USP10: variants seen among roughly 807,000 people sequenced by gnomAD.
USP10 encodes ubiquitin specific peptidase 10.
In USP10, 22 loss-of-function variants were observed where a neutral mutation model predicts 84.5. That is an observed-to-expected ratio of 0.26 (90% CI 0.19 to 0.37). The LOEUF (loss-of-function observed/expected upper bound fraction) is 0.37. USP10 is among the 10% of genes least tolerant of loss of function. USP10 has a pLI of 1.00. For missense variants in USP10, 1,019 were observed against 998.9 expected (o/e 1.02, Z -0.27); for synonymous variants, 454 against 387.6 (o/e 1.17, Z -2.01).
chr16:84,763,520 G>A (rs940569269), intron 9 of USP10, among the ~76,000 whole-genome samples: 2 of 152,348 alleles, frequency 1.3e-5, no homozygotes, highest in African/African-American at 4.8e-5. Context: ...CATCTCAGGT[G>A]CTAAAGCATC....
At chr16:84,746,351 G>T (rs189188084) in intron 4 of USP10, among the ~76,000 whole-genome samples, 1 of 152,208 alleles carries the variant, frequency 6.6e-6, no homozygotes, top group Non-Finnish European at 1.5e-5. Flanking sequence ...ACATAGCCAC[G>T]TGTTGCTTAA....
intron 4 of USP10, among the ~76,000 whole-genome samples, chr16:84,751,219 G>T (rs1911893163): frequency 6.6e-6 from 1 of 152,212 alleles, no homozygotes; most frequent in Non-Finnish European, 1.5e-5. Context: ...TATGGCCCAG[G>T]TGTGTAGTTG....
intron 8 of USP10, 39 bp from the exon 9 acceptor site, chr16:84,762,950 A>T (rs751565854): frequency 3.7e-6 from 5 of 1,345,370 alleles, no homozygotes; most frequent in Non-Finnish European, 5.2e-6. Context: ...TTTGACAGTG[A>T]TCAGTTCACA....
intron 11 of USP10, 63 bp from the exon 12 acceptor site, chr16:84,772,478 A>T (rs1157253911): frequency 6.2e-7 from 1 of 1,600,626 alleles, no homozygotes; most frequent in Admixed American, 1.7e-5. Context: ...CGGAAGGTGG[A>T]TGTGGTGTTA....
At chr16:84,759,821 A>C in intron 6 of USP10, 70 bp from the exon 7 acceptor site, 1 of 1,483,188 alleles carries the variant, frequency 6.7e-7, no homozygotes, top group Non-Finnish European at 9.4e-7. Flanking sequence ...CTACTTAGCC[A>C]TCAAAGCTCT....
chr16:84,774,246 AAAAT>A (rs569310385), intron 12 of USP10, among the ~76,000 whole-genome samples: 53 of 152,046 alleles, frequency 3.5e-4, no homozygotes, highest in South Asian at 2.7e-3. Context: ...CCATCTCAAA[AAAAT>A]AAATAAATAA....
At chr16:84,747,798 C>G (rs1597358702) in intron 4 of USP10, among the ~76,000 whole-genome samples, 1 of 151,928 alleles carries the variant, frequency 6.6e-6, no homozygotes, top group Non-Finnish European at 1.5e-5. Context: ...AACTCCTGAC[C>G]TCAAGTGATC....
chr16:84,763,304 A>G (rs1338782301), intron 9 of USP10, among the ~76,000 whole-genome samples: 1 of 152,200 alleles, frequency 6.6e-6, no homozygotes, highest in African/African-American at 2.4e-5. Flanking sequence ...TTAATTAGGA[A>G]AATGATCAAG....
intron 4 of USP10, among the ~76,000 whole-genome samples, chr16:84,755,444 A>G (rs4782654): frequency 0.16 from 24,603 of 151,102 alleles, 2,046 homozygotes; most frequent in Admixed American, 0.21. Flanking sequence ...CTTCACTCCT[A>G]CACGCTGCCC....
At chr16:84,704,699 T>G (rs964656405) in intron 1 of USP10, 9 of 1,484,532 alleles carry the variant, frequency 6.1e-6, no homozygotes, top group South Asian at 5.2e-5. Flanking sequence ...CTTCAGATCC[T>G]AGATTTTTTC....
chr16:84,762,440 C>A (rs1913314496), intron 8 of USP10, among the ~76,000 whole-genome samples: 1 of 152,148 alleles, frequency 6.6e-6, no homozygotes, highest in Admixed American at 6.5e-5. Flanking sequence ...CCTGTAATCC[C>A]AGCACTTTGG....
At chr16:84,773,156 G>C (rs559239284) in intron 12 of USP10, among the ~76,000 whole-genome samples, 31 of 152,264 alleles carry the variant, frequency 2.0e-4, no homozygotes, top group African/African-American at 7.0e-4. Flanking sequence ...GTCAGGTCAC[G>C]GGCTCGGCAC....
At chr16:84,716,214 ACTC>A (rs975983965) in intron 1 of USP10, 3 of 152,050 alleles carry the variant, frequency 2.0e-5, no homozygotes, top group African/African-American at 7.3e-5. Flanking sequence ...TTCCTCCTGG[ACTC>A]CTCAGACTGG....
At chr16:84,752,204 C>T (rs1365220245) in intron 4 of USP10, among the ~76,000 whole-genome samples, 2 of 152,114 alleles carry the variant, frequency 1.3e-5, no homozygotes, top group African/African-American at 2.4e-5. Context: ...ACACATTGTT[C>T]TAGGCAGCCC....
At chr16:84,762,823 G>C (rs939254096) in intron 8 of USP10, among the ~76,000 whole-genome samples, 166 bp from the exon 9 acceptor site, 1 of 152,132 alleles carries the variant, frequency 6.6e-6, no homozygotes, top group Non-Finnish European at 1.5e-5. Flanking sequence ...CTACTCTTGG[G>C]ATTTCAGCTA....
At chr16:84,738,648 C>T (rs1023460665) in intron 2 of USP10, among the ~76,000 whole-genome samples, 19 of 152,298 alleles carry the variant, frequency 1.2e-4, no homozygotes, top group Non-Finnish European at 2.6e-4. Flanking sequence ...GTGATGCGTA[C>T]TAGGTTGCCC....
chr16:84,743,570 C>T lies in USP10; in HGVS notation c.152-1063C>T, dbSNP rs529185715. On this transcript the variant is annotated intron_variant, in intron 3 of 13. Transcript: ENST00000219473. ...AGATGCCTTGAAAAAAAAATTGGCC[C>T]CTTAATGCTAGCCTGGAAGAAATCT... Among the ~76,000 whole-genome samples, 20 of 152,168 alleles carry T rather than the reference C, an allele frequency of 1.3e-4. 1 individual carries two copies. The highest frequency in any genetic ancestry group is 4.8e-4 in the African/African-American group (20 of 41,506).
chr16:84,706,928 A>G (rs1372462118), intron 1 of USP10, among the ~76,000 whole-genome samples: 1 of 151,990 alleles, frequency 6.6e-6, no homozygotes, highest in Admixed American at 6.5e-5. Context: ...TTATTACGAG[A>G]TACTAAGCAT....
intron 4 of USP10, among the ~76,000 whole-genome samples, chr16:84,747,414 A>T (rs1347133415): frequency 1.3e-5 from 2 of 152,188 alleles, no homozygotes; most frequent in Non-Finnish European, 2.9e-5. Context: ...CAATGTATAT[A>T]TATTTTTAAG....
Sources: gnomAD v4.1 joint callset for allele counts (sites outside exome capture counted in the v4.1 genomes callset) on GRCh38, gnomAD v4.1.1 for gene constraint, MANE v1.5 for transcripts, NCBI Gene and HGNC (gene_info 2026-07-23, HGNC 2026-07-21) for gene names.